The following PALM2AKAP2 variants were observed in gnomAD, a reference collection of about 807,000 sequenced individuals.
The protein encoded by PALM2AKAP2 is PALM2-AKAP2 fusion protein.
Under a neutral mutation model 71.5 loss-of-function variants are expected in PALM2AKAP2, and 37 were observed. The observed-to-expected ratio is 0.52, with a 90% CI of 0.40 to 0.68. PALM2AKAP2 has a LOEUF of 0.68. Ranked by LOEUF, PALM2AKAP2 falls within the 30% of genes least tolerant of loss-of-function variation. PALM2AKAP2 has a pLI of 0.00. For missense variants in PALM2AKAP2, 1,224 were observed against 1,191.8 expected (o/e 1.03, Z -0.40); for synonymous variants, 468 against 478.8 (o/e 0.98, Z 0.29).
At chr9:109,683,896 A>T (rs1375873938) in intron 1 of PALM2AKAP2, among the ~76,000 whole-genome samples, 7 of 151,618 alleles carry the variant, frequency 4.6e-5, no homozygotes, top group Admixed American at 3.9e-4. Context: ...TATATTGGTT[A>T]TATTATAACT....
At chr9:109,678,770 A>G (rs1274845881) in intron 1 of PALM2AKAP2, among the ~76,000 whole-genome samples, 1 of 152,204 alleles carries the variant, frequency 6.6e-6, no homozygotes, top group African/African-American at 2.4e-5. Context: ...GTAAGCCAAA[A>G]TTTAATTACA....
At chr9:109,819,992 G>A (rs149788114) in intron 1 of PALM2AKAP2, among the ~76,000 whole-genome samples, 7 of 152,246 alleles carry the variant, frequency 4.6e-5, no homozygotes, top group African/African-American at 7.2e-5. Flanking sequence ...TGATATGTTC[G>A]GAGTATGGAA....
intron 3 of PALM2AKAP2, among the ~76,000 whole-genome samples, chr9:109,897,509 G>A (rs1311375899): frequency 1.3e-5 from 2 of 152,074 alleles, no homozygotes; most frequent in Non-Finnish European, 2.9e-5. Flanking sequence ...AACCCCGGAG[G>A]CAGAGGTTGC....
chr9:109,791,234 C>T (rs190840711), intron 1 of PALM2AKAP2, among the ~76,000 whole-genome samples: 2 of 152,222 alleles, frequency 1.3e-5, no homozygotes, highest in African/African-American at 4.8e-5. Context: ...GTATTGGATG[C>T]GATGAGGGAG....
At chr9:109,747,222 C>T (rs1032282635) in intron 1 of PALM2AKAP2, among the ~76,000 whole-genome samples, 3 of 152,182 alleles carry the variant, frequency 2.0e-5, no homozygotes, top group Non-Finnish European at 4.4e-5. Flanking sequence ...TCACTAGGCT[C>T]ATTTCTCTTT....
chr9:109,758,296 A>G (rs1828997291), intron 1 of PALM2AKAP2, among the ~76,000 whole-genome samples: 1 of 152,128 alleles, frequency 6.6e-6, no homozygotes, highest in Non-Finnish European at 1.5e-5. Flanking sequence ...TATTAGAAAT[A>G]GTACGACAGT....
chr9:110,002,946 C>T (rs1006360796), intron 6 of PALM2AKAP2, among the ~76,000 whole-genome samples: 12 of 152,100 alleles, frequency 7.9e-5, no homozygotes, highest in South Asian at 4.1e-4. Flanking sequence ...GTCTTGCTAG[C>T]GGTCTATCAA....
chr9:110,135,349 C>A (rs1835838546), intron 1 of PALM2AKAP2, among the ~76,000 whole-genome samples: 1 of 85,444 alleles, frequency 1.2e-5, no homozygotes, highest in African/African-American at 5.2e-5. Flanking sequence ...AAACCTCCTT[C>A]CTTAAAAAAA....
intron 1 of PALM2AKAP2, among the ~76,000 whole-genome samples, chr9:109,755,121 C>T (rs79575115): frequency 0.03 from 4,538 of 152,068 alleles, 218 homozygotes; most frequent in African/African-American, 0.1. Flanking sequence ...ACCTGGTTTC[C>T]CTGCTTCCTC....
At chr9:109,810,534 G>T (rs1480466687) in intron 1 of PALM2AKAP2, among the ~76,000 whole-genome samples, 1 of 152,160 alleles carries the variant, frequency 6.6e-6, no homozygotes, top group African/African-American at 2.4e-5. Flanking sequence ...CCCTGAACTG[G>T]AGCTGTTTAG....
chr9:109,917,535 C>T (rs1830722462), intron 3 of PALM2AKAP2, among the ~76,000 whole-genome samples: 1 of 140,972 alleles, frequency 7.1e-6, no homozygotes, highest in Non-Finnish European at 1.5e-5. Context: ...GTCACCCAGA[C>T]TGGAGTACAG....
chr9:109,813,783 A>G (rs975582139), intron 1 of PALM2AKAP2, among the ~76,000 whole-genome samples: 32 of 152,240 alleles, frequency 2.1e-4, no homozygotes, highest in African/African-American at 7.5e-4. Flanking sequence ...TGGACTTTTC[A>G]AGAAGCCGAT....
intron 1 of PALM2AKAP2, among the ~76,000 whole-genome samples, chr9:109,835,521 G>A (rs7866388): frequency 0.12 from 18,620 of 152,058 alleles, 1,447 homozygotes; most frequent in East Asian, 0.39. Flanking sequence ...GGGGCTTGTC[G>A]GACAGTGGGT....
intron 1 of PALM2AKAP2, among the ~76,000 whole-genome samples, chr9:110,089,475 C>A (rs1421152578): frequency 1.3e-5 from 2 of 152,136 alleles, no homozygotes; most frequent in African/African-American, 4.8e-5. Context: ...TACCCCTTGG[C>A]CTTAGAAGGA....
At chr9:110,055,341 G>T (rs905126420) in intron 1 of PALM2AKAP2, among the ~76,000 whole-genome samples, 4 of 152,116 alleles carry the variant, frequency 2.6e-5, no homozygotes, top group African/African-American at 4.8e-5. Context: ...GATTACAGGC[G>T]TGTGCCACTG....
At chr9:109,691,832 C>CTATATA (rs1827889252) in intron 1 of PALM2AKAP2, among the ~76,000 whole-genome samples, 1 of 36,386 alleles carries the variant, frequency 2.7e-5, no homozygotes, top group East Asian at 7.1e-4. Context: ...TCCAGAAAGA[C>CTATATA]GATATATATA....
intron 1 of PALM2AKAP2, among the ~76,000 whole-genome samples, chr9:109,866,602 G>A (rs76084870): frequency 0.011 from 1,656 of 152,210 alleles, 28 homozygotes; most frequent in African/African-American, 0.038. Flanking sequence ...CAGCTTCTAG[G>A]CATTACCTAG....
intron 1 of PALM2AKAP2, among the ~76,000 whole-genome samples, chr9:110,132,032 C>CGTGTGTGTGTGTGTGTGT (rs3063946): frequency 6.8e-6 from 1 of 147,426 alleles, no homozygotes; most frequent in Non-Finnish European, 1.5e-5. Context: ...AAGTAACTAG[C>CGTGTGTGTGTGTGTGTGT]GTGTGTGTGT....
intron 6 of PALM2AKAP2, among the ~76,000 whole-genome samples, chr9:109,954,892 G>A (rs1831718228): frequency 6.6e-6 from 1 of 151,968 alleles, no homozygotes; most frequent in Non-Finnish European, 1.5e-5. Flanking sequence ...TCAGTCTCTG[G>A]CAATAATAGC....
Sources: gnomAD v4.1 joint callset for allele counts (sites outside exome capture counted in the v4.1 genomes callset) on GRCh38, gnomAD v4.1.1 for gene constraint, MANE v1.5 for transcripts, NCBI Gene and HGNC (gene_info 2026-07-23, HGNC 2026-07-21) for gene names.